Variants in COBL observed in about 807,000 individuals in gnomAD.
COBL encodes cordon-bleu WH2 repeat protein, also known as protein cordon-bleu.
Under a neutral mutation model 98.8 loss-of-function variants are expected in COBL, and 51 were observed. That is an observed-to-expected ratio of 0.52 (90% CI 0.41 to 0.65). The LOEUF (loss-of-function observed/expected upper bound fraction) is 0.65, where lower values mean the gene tolerates loss of function less well. COBL is among the 30% of genes least tolerant of loss of function. The pLI, the probability that COBL is intolerant of heterozygous loss-of-function variation, is 0.00. For synonymous variants in COBL, 634 were observed against 651.7 expected (o/e 0.97, Z 0.41); for missense variants, 1,617 against 1,617.5 (o/e 1.00, Z 0.01).
chr7:51,051,716 C>T lies in COBL; in HGVS notation c.1097-8024G>A, dbSNP rs188629622. ...AGCCTATCAACAACAGTCATGGGTG[C>T]GGTGCATGAACCAGGACTGGACTAA... On this transcript the variant is annotated intron_variant, in intron 7 of 12. Coordinates refer to ENST00000265136, the MANE Select transcript of COBL (RefSeq NM_015198.5). Among the ~76,000 whole-genome samples the T allele has an allele frequency of 1.3e-3, 195 of 152,258 alleles. 1 individual carries two copies. The highest frequency in any genetic ancestry group is 4.4e-3 in the African/African-American group (183 of 41,538).
At position 51,316,602 on chromosome 7, in the gene COBL, G is replaced by A. The variant is rs1803632403; in HGVS notation, c.32C>T (p.Pro11Leu). 3.3e-6 allele frequency: 4 copies of A among 1,206,394 alleles called. No homozygotes were observed. Among genetic ancestry groups the A allele is most frequent in the Non-Finnish European group, 3.1e-6 (3 of 971,652 alleles). The allele number at this position is 1,206,394 out of a possible 1,614,324, so 74.7% of individuals were successfully genotyped here. Residue 11 changes from proline to leucine, a missense_variant, in exon 1 of 13, where the codon CCC becomes CTC. By Grantham distance (98) the Pro-to-Leu change is moderately conservative. Around this residue, in one of 3 missense-constraint regions of COBL, gnomAD observed 238 missense variants for 215.0 expected, o/e 1.11. Transcript: ENST00000265136. MDAPRASAAKPPTGRKMKARA... is the reference protein window; with the variant it reads MDAPRASAAKLPTGRKMKARA... ...CCGCGGGGCCGCTTACCCGGTCGGG[G>A]GCTTGGCCGCCGAGGCGCGCGGCGC...
At chr7:51,071,192 A>G (rs1792514478) in intron 7 of COBL, 1 of 152,226 alleles carries the variant, frequency 6.6e-6, no homozygotes, top group African/African-American at 2.4e-5. Flanking sequence ...AGAAACAGAC[A>G]TGGCTTATAA....
chr7:51,224,485 G>A (rs1272189785), intron 1 of COBL, among the ~76,000 whole-genome samples: 2 of 151,992 alleles, frequency 1.3e-5, no homozygotes, highest in South Asian at 2.1e-4. Context: ...GCCTTGAACA[G>A]TCTTAAAGAT....
At chr7:51,265,930 G>GATCGATGTGATCCAGTGA (rs1384905103) in intron 1 of COBL, among the ~76,000 whole-genome samples, 4 of 152,072 alleles carry the variant, frequency 2.6e-5, no homozygotes, top group Non-Finnish European at 2.9e-5. Flanking sequence ...TGATCCAGTG[G>GATCGATGTGATCCAGTGA]ATCGATGTGA....
At chr7:51,143,476 A>G (rs1387668449) in intron 5 of COBL, among the ~76,000 whole-genome samples, 1 of 152,130 alleles carries the variant, frequency 6.6e-6, no homozygotes, top group Non-Finnish European at 1.5e-5. Flanking sequence ...CCTCCAGATA[A>G]ATGGATTTCT....
chr7:51,065,003 CA>C, intron 7 of COBL: 1 of 604,086 alleles, frequency 1.7e-6, no homozygotes, highest in Non-Finnish European at 2.9e-6. Context: ...GGCAAGCTTT[CA>C]GACAGACAGA....
chr7:51,233,943 T>A (rs1179050247), intron 1 of COBL, among the ~76,000 whole-genome samples: 1 of 152,240 alleles, frequency 6.6e-6, no homozygotes, highest in Non-Finnish European at 1.5e-5. Context: ...TTTCTGCCTC[T>A]ATTAATAAGT....
At chr7:51,233,178 G>T (rs1412918027) in intron 1 of COBL, among the ~76,000 whole-genome samples, 2 of 152,190 alleles carry the variant, frequency 1.3e-5, no homozygotes, top group African/African-American at 4.8e-5. Context: ...ATTATGTATA[G>T]TGACAGAAAA....
chr7:51,283,255 G>A (rs578004493), intron 1 of COBL, among the ~76,000 whole-genome samples: 3 of 151,918 alleles, frequency 2.0e-5, no homozygotes, highest in Non-Finnish European at 4.4e-5. Context: ...ACAAAGAAGA[G>A]AGAAGACACT....
intron 3 of COBL, among the ~76,000 whole-genome samples, chr7:51,191,569 A>G (rs71540290): frequency 6.6e-6 from 1 of 151,016 alleles, no homozygotes; most frequent in Non-Finnish European, 1.5e-5. Flanking sequence ...ATACATATAT[A>G]CTGTATATAT....
intron 12 of COBL, among the ~76,000 whole-genome samples, chr7:51,023,603 T>C (rs191180123): frequency 3.3e-5 from 5 of 152,312 alleles, no homozygotes; most frequent in Admixed American, 2.6e-4. Flanking sequence ...GGCAACAAAG[T>C]TGTGACCTCT....
intron 1 of COBL, among the ~76,000 whole-genome samples, chr7:51,315,889 G>T (rs985774324): frequency 6.6e-6 from 1 of 151,948 alleles, no homozygotes; most frequent in Non-Finnish European, 1.5e-5. Flanking sequence ...AAGCGGAATC[G>T]CGAAGACAGG....
At chr7:51,101,483 A>G (rs1054698705) in intron 6 of COBL, among the ~76,000 whole-genome samples, 10 of 152,252 alleles carry the variant, frequency 6.6e-5, no homozygotes, top group African/African-American at 2.2e-4. Context: ...CATACAAGTA[A>G]TAAGTGAGCA....
chr7:51,247,964 C>A (rs945830357), intron 1 of COBL, among the ~76,000 whole-genome samples: 1 of 151,924 alleles, frequency 6.6e-6, no homozygotes, highest in African/African-American at 2.4e-5. Context: ...ATGGTGAAAC[C>A]CCCGTCTCTA....
intron 7 of COBL, among the ~76,000 whole-genome samples, chr7:51,048,607 C>A (rs1789946562): frequency 6.6e-6 from 1 of 152,036 alleles, no homozygotes; most frequent in Admixed American, 6.5e-5. Flanking sequence ...AGAATCTTAT[C>A]CTAACTGAAT....
chr7:51,055,582 A>C (rs1381670621), intron 7 of COBL, among the ~76,000 whole-genome samples: 5 of 152,144 alleles, frequency 3.3e-5, no homozygotes. Flanking sequence ...GTTAAAATAG[A>C]GATTGTCCAG....
At chr7:51,024,711 G>A (rs985803035) in intron 12 of COBL, among the ~76,000 whole-genome samples, 11 of 152,118 alleles carry the variant, frequency 7.2e-5, no homozygotes, top group South Asian at 2.1e-4. Context: ...GGCGGCTTCC[G>A]TGCCAGCTGA....
intron 5 of COBL, among the ~76,000 whole-genome samples, chr7:51,182,384 C>T (rs113674789): frequency 0.068 from 10,323 of 151,798 alleles, 389 homozygotes; most frequent in Middle Eastern, 0.14. Context: ...CGGATTCAAG[C>T]GATTCTCCTG....
rs78711794 is a variant in COBL, at chr7:51,130,003, C to T, written c.957+6155G>A. Among the ~76,000 whole-genome samples the T allele has an allele frequency of 5.1e-3, 774 of 152,190 alleles. 44 individuals carry two copies. The East Asian group carries it at 0.13, about 25-fold the overall frequency. On this transcript the variant is annotated intron_variant, in intron 6 of 12. Coordinates refer to ENST00000265136, the MANE Select transcript of COBL (RefSeq NM_015198.5). ...AGAGGGGCATGGGAGTGCTTGAGCC[C>T]GGGAGTGCAGGTGGGAGCAAAGGGA... is the stretch of plus-strand genomic sequence containing the variant.
Sources: gnomAD v4.1 joint callset for allele counts (sites outside exome capture counted in the v4.1 genomes callset) on GRCh38, gnomAD v4.1.1 for gene constraint, gnomAD v4.1.1 regional missense constraint, MANE v1.5 for transcripts, NCBI Gene and HGNC (gene_info 2026-07-23, HGNC 2026-07-21) for gene names.